HK1: variants seen among roughly 807,000 people sequenced by gnomAD.
HK1 encodes hexokinase 1, also known as hexokinase-1.
HK1 carries 28 observed loss-of-function variants against 91.6 expected under a neutral mutation model. The ratio of observed to expected loss-of-function variants is 0.31; its 90% CI spans 0.23 to 0.42. The LOEUF (loss-of-function observed/expected upper bound fraction) is 0.42, where lower values mean the gene tolerates loss of function less well. Ranked by LOEUF, HK1 falls within the 10% of genes least tolerant of loss-of-function variation. The probability of loss-of-function intolerance (pLI) is 1.00; values close to 1 mark genes in which losing one functional copy is unlikely to be tolerated. For missense variants in HK1, 770 were observed against 1,219.8 expected (o/e 0.63, Z 5.49); for synonymous variants, 430 against 468.1 (o/e 0.92, Z 1.05).
At chr10:69,327,370 T>C (rs768593657) in intron 1 of HK1, among the ~76,000 whole-genome samples, 1 of 152,222 alleles carries the variant, frequency 6.6e-6, no homozygotes, top group Admixed American at 6.5e-5. Context: ...CAACATTGTA[T>C]TTTTGAGATT....
intron 2 of HK1, among the ~76,000 whole-genome samples, chr10:69,352,634 A>G (rs1437885229): frequency 6.6e-6 from 1 of 152,188 alleles, no homozygotes; most frequent in African/African-American, 2.4e-5. Flanking sequence ...ACCTAATATT[A>G]TACAATTCCA....
chr10:69,398,655 C>T lies in HK1; in HGVS notation c.2436C>T (p.Thr812=). 1 of 1,614,172 alleles carries T rather than the reference C, an allele frequency of 6.2e-7. No homozygotes were observed. The part of the protein sequence containing the change: ...AILQQLGLNS[T]CDDSILVKTV... ...TCCAGCAGCTAGGTCTGAATAGCAC[C>T]TGCGATGACAGTATCCTCGTCAAGA... The change falls in exon 17 of 18, where the codon ACC becomes ACT. Residue 812 remains threonine (T), a synonymous_variant. Coordinates refer to ENST00000359426, the MANE Select transcript of HK1 (RefSeq NM_000188.3).
chr10:69,391,408 G>A (rs1031298113), intron 14 of HK1, among the ~76,000 whole-genome samples: 1 of 152,248 alleles, frequency 6.6e-6, no homozygotes, highest in Non-Finnish European at 1.5e-5. Flanking sequence ...TTGTGAGGCT[G>A]AGGCGAGAGG....
chr10:69,310,907 T>C (rs1006309270), upstream of HK1, among the ~76,000 whole-genome samples: 2 of 151,800 alleles, frequency 1.3e-5, no homozygotes, highest in African/African-American at 4.8e-5. Flanking sequence ...AAATACAAAA[T>C]TTAGCTGGGC....
chr10:69,383,129 G>T (rs1041745283), intron 10 of HK1, among the ~76,000 whole-genome samples: 31 of 152,108 alleles, frequency 2.0e-4, no homozygotes, highest in African/African-American at 7.2e-4. Context: ...TTGAGCCCAG[G>T]AGTTCAAGAC....
intron 1 of HK1, among the ~76,000 whole-genome samples, chr10:69,279,307 T>C (rs1844622914): frequency 6.6e-6 from 1 of 152,236 alleles, no homozygotes; most frequent in African/African-American, 2.4e-5. Flanking sequence ...CATGCAAATA[T>C]GGTTCAAAGG....
At chr10:69,323,252 A>C (rs888648787) in intron 1 of HK1, among the ~76,000 whole-genome samples, 6 of 151,982 alleles carry the variant, frequency 3.9e-5, no homozygotes, top group African/African-American at 9.7e-5. Context: ...CTCAAAAAAA[A>C]AAAAAAGAAA....
At position 69,401,269 on chromosome 10, in the gene HK1, A is replaced by G. The variant is rs1840378541; in HGVS notation, c.*134A>G. On this transcript the variant is annotated 3_prime_UTR_variant, in exon 18 of 18. Transcript: ENST00000359426. ...GGCGCGGGGAGGAAAGCAAAATCCA[A>G]CTAATGGTATATATTGTAGGGTACA... is the stretch of plus-strand genomic sequence containing the variant. The G allele has an allele frequency of 8.7e-6, 8 of 916,378 alleles. No individual in the cohort carries two copies. The highest frequency in any genetic ancestry group is 2.0e-5 in the Admixed American group (1 of 48,914). 56.8% of individuals were successfully genotyped at this position (916,378 alleles called of 1,614,324 possible). A position where few individuals can be genotyped will look rare whatever the true frequency, so the allele number is the denominator to read the frequency against.
At chr10:69,283,124 CAAA>C (rs34547808) in intron 2 of HK1, among the ~76,000 whole-genome samples, 33 of 60,820 alleles carry the variant, frequency 5.4e-4, no homozygotes, top group South Asian at 7.2e-4. Context: ...AACTCAGTTT[CAAA>C]AAAAAAAAAA....
chr10:69,338,210 G>A (rs906215), intron 1 of HK1: 398,147 of 1,089,450 alleles, frequency 0.37, 74,984 homozygotes, highest in Non-Finnish European at 0.39. Context: ...GAGCAAGAGC[G>A]CCCGCCCTGT....
Position 69,271,638 on chromosome 10 carries a change from C to T in HK1, c.-391+1530C>T, listed in dbSNP as rs139968203. ...GACTACAGGTGCCTCCCACCACGCC[C>T]GGCTAATTTTTTGCATTTTTATTAG... On this transcript the variant is annotated intron_variant, in intron 1 of 21. Transcript: ENST00000360289. Among the ~76,000 whole-genome samples the T allele has an allele frequency of 1.6e-3, 245 of 151,884 alleles. 1 individual carries two copies. Among genetic ancestry groups the T allele is most frequent in the Middle Eastern group, 3.4e-3 (1 of 292 alleles).
intron 1 of HK1, among the ~76,000 whole-genome samples, chr10:69,336,363 G>C (rs1421113474): frequency 3.3e-5 from 5 of 151,036 alleles, no homozygotes; most frequent in African/African-American, 1.2e-4. Context: ...GGCTCATTTT[G>C]TATTTTTGGT....
At chr10:69,284,516 G>A (rs1844920915) in intron 2 of HK1, among the ~76,000 whole-genome samples, 1 of 150,178 alleles carries the variant, frequency 6.7e-6, no homozygotes, top group South Asian at 2.1e-4. Flanking sequence ...AAAGGAAGAA[G>A]GAATCCAGCT....
upstream of HK1, among the ~76,000 whole-genome samples, chr10:69,314,031 T>G (rs114014661): frequency 6.6e-6 from 1 of 152,114 alleles, no homozygotes; most frequent in Admixed American, 6.5e-5. Context: ...GGCCAGTGTC[T>G]CCTCAGCAGC....
At chr10:69,283,458 A>G (rs1202519434) in intron 2 of HK1, among the ~76,000 whole-genome samples, 1 of 149,974 alleles carries the variant, frequency 6.7e-6, no homozygotes, top group Non-Finnish European at 1.5e-5. Context: ...CTGTCTCAAT[A>G]ATAATAATAA....
chr10:69,284,093 C>G (rs955930771), intron 2 of HK1, among the ~76,000 whole-genome samples: 3 of 152,136 alleles, frequency 2.0e-5, no homozygotes, highest in African/African-American at 7.2e-5. Flanking sequence ...AAATGCCTCT[C>G]TTCCCTGAGT....
intron 1 of HK1, among the ~76,000 whole-genome samples, chr10:69,330,162 A>G (rs150965326): frequency 6.6e-6 from 1 of 152,016 alleles, no homozygotes; most frequent in East Asian, 1.9e-4. Flanking sequence ...CAGCCATGTT[A>G]TTCACCCAGA....
intron 1 of HK1, 25 bp from the exon 2 acceptor site, chr10:69,343,802 C>A: frequency 6.3e-7 from 1 of 1,598,042 alleles, no homozygotes. Context: ...CGACCTCACT[C>A]TCCTTCCTTC....
rs138027006 is a variant in HK1, at chr10:69,353,485, C to T, written c.227-6412C>T. ...GCACGTGCCGGTAGTTCCAGCTACT[C>T]GGGAGGTTGAGGTGGGAGGATCGCT... On this transcript the variant is annotated intron_variant, in intron 2 of 17. Coordinates refer to ENST00000359426, the MANE Select transcript of HK1 (RefSeq NM_000188.3). Among the ~76,000 whole-genome samples the T allele has an allele frequency of 2.5e-3, 386 of 151,890 alleles. 3 individuals carry two copies. Among genetic ancestry groups the T allele is most frequent in the African/African-American group, 8.9e-3 (367 of 41,430 alleles).
Sources: gnomAD v4.1 joint callset for allele counts (sites outside exome capture counted in the v4.1 genomes callset) on GRCh38, gnomAD v4.1.1 for gene constraint, MANE v1.5 for transcripts, NCBI Gene and HGNC (gene_info 2026-07-23, HGNC 2026-07-21) for gene names.